WWOX: variants seen among roughly 807,000 people sequenced by gnomAD.
WWOX encodes WW domain-containing oxidoreductase.
A neutral mutation model predicts 46.2 loss-of-function variants in WWOX; 69 were observed. The ratio of observed to expected loss-of-function variants is 1.49; its 90% CI spans 1.23 to 1.82. The LOEUF (loss-of-function observed/expected upper bound fraction) is 1.82. WWOX is among the 40% of genes most tolerant of loss of function. WWOX has a pLI of 0.00. For missense variants in WWOX, 919 were observed against 542.6 expected, an observed-to-expected ratio of 1.69 and a Z score of -6.89; for synonymous variants, 359 against 202.6, an observed-to-expected ratio of 1.77 and a Z score of -6.56.
intron 8 of WWOX, among the ~76,000 whole-genome samples, chr16:79,209,729 C>G (rs1038371686): frequency 2.0e-5 from 3 of 152,346 alleles, no homozygotes; most frequent in East Asian, 1.9e-4. Flanking sequence ...GGATGAGCAT[C>G]TCAATTCTCC....
chr16:78,621,023 G>C (rs1399911644), intron 8 of WWOX, among the ~76,000 whole-genome samples: 4 of 152,032 alleles, frequency 2.6e-5, no homozygotes, highest in African/African-American at 9.7e-5. Flanking sequence ...CTGTTGAAAG[G>C]CTCCTTCTGT....
intron 4 of WWOX, among the ~76,000 whole-genome samples, chr16:78,153,648 T>A (rs967094923): frequency 6.6e-6 from 1 of 152,158 alleles, no homozygotes; most frequent in African/African-American, 2.4e-5. Context: ...TGTGGCCTTT[T>A]AATTGTGCCC....
intron 5 of WWOX, among the ~76,000 whole-genome samples, chr16:78,175,854 T>G (rs2035327489): frequency 6.6e-6 from 1 of 152,158 alleles, no homozygotes; most frequent in Non-Finnish European, 1.5e-5. Context: ...GGGAGAAGGA[T>G]CCTTAAGAGA....
intron 8 of WWOX, among the ~76,000 whole-genome samples, chr16:79,054,310 C>A (rs1286358958): frequency 6.6e-6 from 1 of 152,136 alleles, no homozygotes; most frequent in African/African-American, 2.4e-5. Context: ...CAAAACATAT[C>A]CCCCAGCTAT....
intron 8 of WWOX, among the ~76,000 whole-genome samples, chr16:78,861,423 C>A (rs1459277218): frequency 3.3e-5 from 5 of 152,234 alleles, no homozygotes; most frequent in East Asian, 3.9e-4. Flanking sequence ...TAATTAAATC[C>A]CATGAGTCTA....
At chr16:78,281,782 G>A (rs1370834521) in intron 5 of WWOX, among the ~76,000 whole-genome samples, 1 of 152,018 alleles carries the variant, frequency 6.6e-6, no homozygotes, top group African/African-American at 2.4e-5. Flanking sequence ...TGCTGTATAA[G>A]AACACAGCCG....
At chr16:78,486,303 C>T (rs566397535) in intron 8 of WWOX, among the ~76,000 whole-genome samples, 2 of 152,236 alleles carry the variant, frequency 1.3e-5, no homozygotes, top group Non-Finnish European at 2.9e-5. Flanking sequence ...TTGCACTATG[C>T]CGACTAATAG....
intron 8 of WWOX, among the ~76,000 whole-genome samples, chr16:78,843,593 A>G (rs1036884815): frequency 7.4e-6 from 1 of 135,006 alleles, no homozygotes; most frequent in African/African-American, 2.5e-5. Flanking sequence ...GGTGTAAAGG[A>G]GGAAATAAAA....
At position 78,517,754 on chromosome 16, in the gene WWOX, C is replaced by T. The variant is rs561130419; in HGVS notation, c.1056+85002C>T. 3.3e-5 allele frequency among the ~76,000 whole-genome samples: 5 copies of T among 149,450 alleles called. No homozygotes were observed. The East Asian group carries it at 9.9e-4, about 30-fold the overall frequency. On this transcript the variant is annotated intron_variant, in intron 8 of 8. Transcript: ENST00000566780. Reference sequence around the variant, plus strand: ...ACTAAACACATGTCACGTTATGGAGCTGTTTACCTTGGCTTTGAGGTTTAT... The same window carrying T: ...ACTAAACACATGTCACGTTATGGAGTTGTTTACCTTGGCTTTGAGGTTTAT...
chr16:78,171,168 C>T (rs2035146284), intron 5 of WWOX, among the ~76,000 whole-genome samples: 1 of 152,160 alleles, frequency 6.6e-6, no homozygotes, highest in Non-Finnish European at 1.5e-5. Flanking sequence ...GATACTGACA[C>T]CTGTGTTTTC....
chr16:78,445,142 G>A (rs2083530684), intron 8 of WWOX, among the ~76,000 whole-genome samples: 1 of 152,122 alleles, frequency 6.6e-6, no homozygotes, highest in Non-Finnish European at 1.5e-5. Context: ...AATGATACAG[G>A]TGTACATCAG....
At chr16:78,629,717 C>G (rs1264972465) in intron 8 of WWOX, among the ~76,000 whole-genome samples, 1 of 152,210 alleles carries the variant, frequency 6.6e-6, no homozygotes, top group African/African-American at 2.4e-5. Context: ...AGCTAATCAA[C>G]TCTTTCTCAT....
chr16:79,028,619 G>T (rs2047692666), intron 8 of WWOX, among the ~76,000 whole-genome samples: 2 of 150,436 alleles, frequency 1.3e-5, no homozygotes, highest in South Asian at 2.1e-4. Context: ...CTTTTTTCCT[G>T]AATTAGGGTA....
At chr16:78,923,916 C>A (rs1184116773) in intron 8 of WWOX, among the ~76,000 whole-genome samples, 2 of 150,628 alleles carry the variant, frequency 1.3e-5, no homozygotes, top group African/African-American at 2.4e-5. Context: ...TCTCCTGCCT[C>A]AGCCTCCCGA....
intron 8 of WWOX, among the ~76,000 whole-genome samples, chr16:79,119,649 G>T (rs994121513): frequency 6.6e-6 from 1 of 152,222 alleles, no homozygotes; most frequent in Admixed American, 6.5e-5. Context: ...AAATGGTCCA[G>T]CCACGAAGAG....
intron 5 of WWOX, among the ~76,000 whole-genome samples, chr16:78,367,482 T>C (rs143401135): frequency 6.6e-6 from 1 of 152,296 alleles, no homozygotes; most frequent in East Asian, 1.9e-4. Flanking sequence ...CCCAAGATAA[T>C]TCTTTGTCCA....
At chr16:79,060,783 T>C (rs2048344746) in intron 8 of WWOX, among the ~76,000 whole-genome samples, 1 of 152,250 alleles carries the variant, frequency 6.6e-6, no homozygotes, top group African/African-American at 2.4e-5. Flanking sequence ...TCAGTCTCCT[T>C]GCAGGTGCCT....
intron 8 of WWOX, among the ~76,000 whole-genome samples, chr16:78,750,183 C>T (rs2049442747): frequency 6.6e-6 from 1 of 152,224 alleles, no homozygotes; most frequent in East Asian, 1.9e-4. Flanking sequence ...TACAGTTCAG[C>T]TGCTGCCTTA....
intron 8 of WWOX, among the ~76,000 whole-genome samples, chr16:79,128,002 G>C (rs939833255): frequency 5.3e-5 from 8 of 152,168 alleles, no homozygotes; most frequent in African/African-American, 1.9e-4. Context: ...GAAAGTGCAT[G>C]GCAAAGACCC....
Sources: allele counts gnomAD v4.1 joint callset (sites outside exome capture counted in the v4.1 genomes callset), GRCh38; gene constraint gnomAD v4.1.1; transcripts MANE v1.5; gene names NCBI Gene and HGNC (gene_info 2026-07-23, HGNC 2026-07-21).